MOSPD1: variants seen among roughly 807,000 people sequenced by gnomAD.
MOSPD1 encodes the protein motile sperm domain-containing protein 1.
In MOSPD1, 5 loss-of-function variants were observed where a neutral mutation model predicts 16.7. That is an observed-to-expected ratio of 0.30 (90% confidence interval 0.16 to 0.63). MOSPD1 has a LOEUF of 0.63. Ranked by LOEUF, MOSPD1 falls within the 30% of genes least tolerant of loss-of-function variation. MOSPD1 has a pLI of 0.82. For missense variants in MOSPD1, 104 were observed against 153.6 expected (o/e 0.68, Z 1.71); for synonymous variants, 67 against 59.2 (o/e 1.13, Z -0.61).
Position 134,896,830 on chromosome X carries a change from C to G in MOSPD1, c.435G>C (p.Gln145His). The change falls in exon 4 of 6, where the codon CAG (glutamine) becomes CAC (histidine). Residue 145 changes from glutamine to histidine, a missense_variant. By Grantham distance (24) the Gln-to-His change is conservative (BLOSUM62 0). Coordinates refer to ENST00000370783, the MANE Select transcript of MOSPD1 (RefSeq NM_019556.3). ...ACCCAAAACTACCTGGTTGAAACGA[C>G]TGCTCAAAAAATAAACTTTCAGTTA... ...EHLTESLFFE[Q>H]SFQPENRAVS... 8.3e-7 allele frequency: 1 copy of G among 1,209,394 alleles called. No individual in the cohort carries two copies. The highest frequency in any genetic ancestry group is 1.1e-6 in the Non-Finnish European group (1 of 893,521).
intron 1 of MOSPD1, among the ~76,000 whole-genome samples, chrX:134,905,667 T>C (rs1367630419): frequency 8.9e-6 from 1 of 112,240 alleles, no homozygotes; most frequent in Non-Finnish European, 1.9e-5. Flanking sequence ...AAAATCTCTG[T>C]TAACTGTATT....
At chrX:134,905,203 C>CA (rs374729743) in intron 1 of MOSPD1, among the ~76,000 whole-genome samples, 7,836 of 99,386 alleles carry the variant, frequency 0.079, 738 homozygotes, top group African/African-American at 0.26. Context: ...ACTAAAAATA[C>CA]AAAAAAAAAA....
intron 4 of MOSPD1, among the ~76,000 whole-genome samples, chrX:134,896,327 T>A (rs1312434395): frequency 1.8e-5 from 2 of 110,098 alleles, no homozygotes; most frequent in Non-Finnish European, 3.8e-5. Context: ...ATCTACTTAG[T>A]TTAATTAACT....
At chrX:134,911,010 T>C (rs1310826151) in intron 1 of MOSPD1, among the ~76,000 whole-genome samples, 1 of 112,377 alleles carries the variant, frequency 8.9e-6, no homozygotes, top group Non-Finnish European at 1.9e-5. Flanking sequence ...CTGCAGGCAA[T>C]AGGAAACCAC....
At chrX:134,897,565 AAAAG>A (rs1200025678) in intron 3 of MOSPD1, among the ~76,000 whole-genome samples, 4 of 74,663 alleles carry the variant, frequency 5.4e-5, no homozygotes, top group Non-Finnish European at 9.9e-5. Context: ...AAAAAAAAAA[AAAAG>A]AAAGAAAAAA....
chrX:134,897,011 C>T lies in MOSPD1; in HGVS notation c.254G>A (p.Arg85Gln), dbSNP rs1458299615. 1.7e-6 allele frequency: 2 copies of T among 1,199,433 alleles called. No individual in the cohort carries two copies. The highest frequency in any genetic ancestry group is 1.8e-5 in the African/African-American group (1 of 56,812). Reference sequence around the variant, plus strand: ...GTCTATTACACCATAGTGACAGGATCGAACATCTCGATGACGAATCACACT... The same window carrying T: ...GTCTATTACACCATAGTGACAGGATTGAACATCTCGATGACGAATCACACT... ...VDIVIRHRDV[R>Q]SCHYGVIDKF... The change falls in exon 4 of 6, where the codon CGA (arginine) becomes CAA (glutamine). Residue 85 changes from arginine to glutamine, a missense_variant. Physicochemically the swap from Arg to Gln is conservative, Grantham distance 43 (BLOSUM62 1). Coordinates refer to ENST00000370783, the MANE Select transcript of MOSPD1 (RefSeq NM_019556.3).
Position 134,899,012 on chromosome X carries a change from AAT to A in MOSPD1, c.230+76_230+77del, listed in dbSNP as rs1214201400. ...GCCTATGTGAGAACAGCTTCAAGAA[AAT>A]ATCTTTTTTTTTCAAGTTAAAAACA... On this transcript the variant is annotated intron_variant, in intron 3 of 5. Transcript: ENST00000370783. The A allele has an allele frequency of 6.5e-5, 58 of 889,888 alleles. No homozygotes were observed. In the African/African-American group the frequency reaches 1.1e-3, roughly 17 times the overall value. The allele number at this position is 889,888 out of a possible 1,213,427, so 73.3% of individuals were successfully genotyped here.
At chrX:134,890,559 A>G (rs947470218) in intron 5 of MOSPD1, among the ~76,000 whole-genome samples, 2 of 111,168 alleles carry the variant, frequency 1.8e-5, no homozygotes, top group African/African-American at 6.6e-5. Context: ...CTGTAATCCT[A>G]GCACTTTGGG....
At chrX:134,910,647 G>A (rs1297684775) in intron 1 of MOSPD1, among the ~76,000 whole-genome samples, 1 of 112,244 alleles carries the variant, frequency 8.9e-6, no homozygotes, top group East Asian at 2.8e-4. Flanking sequence ...CTTAAGGCTA[G>A]TCTGCAGTAG....
In MOSPD1 at chrX:134,899,369, G is replaced by A. The variant is rs1242036632; in HGVS notation, c.65C>T (p.Thr22Met). Residue 22 changes from threonine (T) to methionine (M), a missense_variant, in exon 2 of 6, where the codon ACG becomes ATG. This residue lies in a region of MOSPD1 where 21 missense variants were observed against 52.6 expected (regional missense o/e 0.40). Transcript: ENST00000370783. ...EGNLPVFVFP[T>M]ELIFYADDQS... ...ATCATCTGCATAAAATATGAGCTCC[G>A]TGGGGAACACGAAAACAGGAAGATT... 2 of 1,199,387 alleles carry A rather than the reference G, an allele frequency of 1.7e-6. No homozygotes were observed. The highest frequency in any genetic ancestry group is 2.2e-6 in the Non-Finnish European group (2 of 891,556).
At position 134,899,161 on chromosome X, in the gene MOSPD1, C is replaced by T; in HGVS notation, c.159G>A (p.Leu53=). ...CAACATACTTATTTGGAGTAGTACA[C>T]AAAACTGAAAGAAAAAGTCACAATG... is the stretch of plus-strand genomic sequence containing the variant. ...PYEFALKFKV[L]CTTPNKYVVV... is the part of the protein sequence containing the mutation. The change falls in exon 3 of 6, where the codon TTG becomes TTA. Residue 53 remains leucine (L), a synonymous_variant. Coordinates refer to ENST00000370783, the MANE Select transcript of MOSPD1 (RefSeq NM_019556.3). The T allele has an allele frequency of 8.4e-7, 1 of 1,194,174 alleles. No homozygotes were observed. The highest frequency in any genetic ancestry group is 1.1e-6 in the Non-Finnish European group (1 of 886,642).
At chrX:134,892,901 A>C (rs2082869037) in intron 4 of MOSPD1, among the ~76,000 whole-genome samples, 1 of 111,420 alleles carries the variant, frequency 9.0e-6, no homozygotes, top group Non-Finnish European at 1.9e-5. Flanking sequence ...CAAAAAAACA[A>C]AACAAAAAAG....
At chrX:134,906,552 G>C (rs2082944366) in intron 1 of MOSPD1, among the ~76,000 whole-genome samples, 1 of 110,271 alleles carries the variant, frequency 9.1e-6, no homozygotes, top group Non-Finnish European at 1.9e-5. Flanking sequence ...ATTAGCACCA[G>C]GTCAACAGAG....
intron 3 of MOSPD1, among the ~76,000 whole-genome samples, 200 bp from the exon 4 acceptor site, chrX:134,897,234 T>C (rs779869953): frequency 2.7e-5 from 3 of 110,768 alleles, no homozygotes; most frequent in Admixed American, 9.8e-5. Flanking sequence ...TGAAAGCACA[T>C]AATCTAAAAC....
intron 4 of MOSPD1, among the ~76,000 whole-genome samples, chrX:134,892,512 G>A (rs2082866993): frequency 8.9e-6 from 1 of 112,317 alleles, no homozygotes; most frequent in Non-Finnish European, 1.9e-5. Flanking sequence ...CTCGACAATT[G>A]TTCCCACATT....
At chrX:134,901,298 T>C (rs2082910168) in intron 1 of MOSPD1, among the ~76,000 whole-genome samples, 1 of 111,492 alleles carries the variant, frequency 9.0e-6, no homozygotes, top group Non-Finnish European at 1.9e-5. Flanking sequence ...AAGGATACCA[T>C]GGTATATATG....
intron 1 of MOSPD1, among the ~76,000 whole-genome samples, chrX:134,910,337 G>A (rs778588633): frequency 6.3e-5 from 7 of 110,471 alleles, no homozygotes; most frequent in Admixed American, 2.9e-4. Context: ...CCCAGAAGGC[G>A]GAGGTTGCAG....
intron 1 of MOSPD1, chrX:134,900,011 T>C (rs1415421727): frequency 8.9e-6 from 1 of 111,853 alleles, no homozygotes; most frequent in Non-Finnish European, 1.9e-5. Flanking sequence ...CTTGACTTAC[T>C]TGTATAGCTT....
At chrX:134,889,698 A>G (rs1386423578) in intron 5 of MOSPD1, among the ~76,000 whole-genome samples, 1 of 111,513 alleles carries the variant, frequency 9.0e-6, no homozygotes, top group Non-Finnish European at 1.9e-5. Flanking sequence ...TGATAAAAAA[A>G]AAGTACAGAG....
Sources: allele counts gnomAD v4.1 joint callset (sites outside exome capture counted in the v4.1 genomes callset), GRCh38; gene constraint gnomAD v4.1.1; regional missense constraint gnomAD v4.1.1; transcripts MANE v1.5; gene names NCBI Gene and HGNC (gene_info 2026-07-23, HGNC 2026-07-21).